The following PRSS3 variants were observed in gnomAD, a reference collection of about 807,000 sequenced individuals.
PRSS3 encodes serine protease 3, also known as trypsin-3.
A neutral mutation model predicts 20.8 loss-of-function variants in PRSS3; 14 were observed. That is an observed-to-expected ratio of 0.67 (90% CI 0.44 to 1.05). PRSS3 has a LOEUF of 1.05. PRSS3 is among the 50% of genes least tolerant of loss of function. The probability of loss-of-function intolerance (pLI) is 0.00; values close to 1 mark genes in which losing one functional copy is unlikely to be tolerated. For synonymous variants in PRSS3, 91 were observed against 117.6 expected (o/e 0.77, Z 1.46); for missense variants, 237 against 306.4 (o/e 0.77, Z 1.69).
chr9:33,778,696 C>T (rs1430411334), intron 1 of PRSS3, among the ~76,000 whole-genome samples: 2 of 152,140 alleles, frequency 1.3e-5, no homozygotes, highest in African/African-American at 4.8e-5. Flanking sequence ...AAGTATAAAT[C>T]ATGTCCATGG....
At chr9:33,786,817 C>T (rs1375455478) in intron 1 of PRSS3, 2 of 754,168 alleles carry the variant, frequency 2.7e-6, no homozygotes, top group Admixed American at 3.4e-5. Flanking sequence ...TATACCTCTG[C>T]AGCGTTGAAG....
intron 1 of PRSS3, among the ~76,000 whole-genome samples, chr9:33,771,701 C>T (rs1438944101): frequency 1.2e-4 from 16 of 136,520 alleles, no homozygotes; most frequent in Non-Finnish European, 1.5e-5. Context: ...AGTGCAGTGA[C>T]ATAATCATGG....
chr9:33,783,822 G>C (rs577630613), intron 1 of PRSS3, among the ~76,000 whole-genome samples: 2 of 150,928 alleles, frequency 1.3e-5, no homozygotes, highest in African/African-American at 2.4e-5. Context: ...TCCAGGAGGC[G>C]GAGCTTGCAG....
At position 33,797,856 on chromosome 9, in the gene PRSS3, C is replaced by A; in HGVS notation, c.228C>A (p.His76Gln). Residue 76 changes from histidine (H) to glutamine (Q), a missense_variant, in exon 3 of 5, where the codon CAC becomes CAA. Coordinates refer to ENST00000379405, the MANE Select transcript of PRSS3 (RefSeq NM_002771.4). Reference protein sequence around the residue: ...KTRIQVRLGEHNIKVLEGNEQ... With the variant: ...KTRIQVRLGEQNIKVLEGNEQ... Reference sequence around the variant, plus strand: ...GCATCCAGGTGAGACTGGGAGAGCACAACATCAAAGTCCTGGAGGGGAATG... The same window carrying A: ...GCATCCAGGTGAGACTGGGAGAGCAAAACATCAAAGTCCTGGAGGGGAATG... 1 of 1,614,192 alleles carries A rather than the reference C, an allele frequency of 6.2e-7. No individual in the cohort carries two copies. Among genetic ancestry groups the A allele is most frequent in the Non-Finnish European group, 8.5e-7 (1 of 1,180,010 alleles).
chr9:33,797,749 A>T (rs1825063827), intron 2 of PRSS3, 80 bp from the exon 3 acceptor site: 2 of 1,613,114 alleles, frequency 1.2e-6, no homozygotes, highest in African/African-American at 2.7e-5. Flanking sequence ...ATGAGCAGTG[A>T]GCTTGAGGAC....
Position 33,798,505 on chromosome 9 carries a change from G to A in PRSS3, c.474G>A (p.Leu158=). 2 of 1,612,446 alleles carry A rather than the reference G, an allele frequency of 1.2e-6. No homozygotes were observed. The highest frequency in any genetic ancestry group is 1.7e-6 in the Non-Finnish European group (2 of 1,179,222). ...LSFGADYPDE[L]KCLDAPVLTQ... is the part of the protein sequence containing the mutation. ...TCACAGCTGACTACCCAGACGAGCT[G>A]AAGTGCCTGGATGCTCCGGTGCTGA... is the stretch of plus-strand genomic sequence containing the variant. The change falls in exon 4 of 5, where the codon CTG becomes CTA. Residue 158 remains leucine, a synonymous_variant. Transcript: ENST00000379405.
upstream of PRSS3, chr9:33,794,958 G>A (rs1392602445): frequency 2.6e-6 from 4 of 1,512,432 alleles, no homozygotes; most frequent in Non-Finnish European, 3.6e-6. Flanking sequence ...GAGCCATCTG[G>A]AAGCCCAGAA....
At chr9:33,757,696 T>C (rs1408693426) in intron 1 of PRSS3, among the ~76,000 whole-genome samples, 1 of 152,156 alleles carries the variant, frequency 6.6e-6, no homozygotes, top group African/African-American at 2.4e-5. Flanking sequence ...CCTCTGCAAC[T>C]CCATCACCCA....
In PRSS3 at chr9:33,796,799, A is replaced by G. The variant is rs1203678992; in HGVS notation, c.197A>G (p.Lys66Arg). 1.9e-6 allele frequency: 3 copies of G among 1,613,874 alleles called. No homozygotes were observed. The highest frequency in any genetic ancestry group is 1.3e-5 in the African/African-American group (1 of 74,930). ...QWVVSAAHCYKTRIQVRLGEH... is the reference protein window; with the variant it reads ...QWVVSAAHCYRTRIQVRLGEH... ...GTGGTATCAGCAGCTCACTGCTACAAGACGTAAGTGTGGGGCCCCTGACTG... is the reference window on the plus strand; with the variant it reads ...GTGGTATCAGCAGCTCACTGCTACAGGACGTAAGTGTGGGGCCCCTGACTG... The change falls in exon 2 of 5, where the codon AAG becomes AGG. Residue 66 changes from lysine (K) to arginine (R), a missense_variant. Coordinates refer to ENST00000379405, the MANE Select transcript of PRSS3 (RefSeq NM_002771.4).
upstream of PRSS3, chr9:33,794,804 G>A: frequency 1.9e-6 from 3 of 1,550,900 alleles, no homozygotes; most frequent in Non-Finnish European, 1.7e-6. Context: ...GCACATGAGA[G>A]AGACAAGTGG....
intron 1 of PRSS3, among the ~76,000 whole-genome samples, chr9:33,773,452 GA>G (rs36067170): frequency 1.7e-3 from 255 of 152,278 alleles, no homozygotes; most frequent in Non-Finnish European, 3.1e-3. Flanking sequence ...CTAGCTGACT[GA>G]AAAAGCTATG....
In PRSS3 at chr9:33,750,832, G is replaced by T. The variant is rs1156339733; in HGVS notation, c.-53+105G>T. On this transcript the variant is annotated intron_variant, in intron 1 of 5. Transcript: ENST00000342836. This position sits in a 1 kb window ranked among gnomAD's most constrained non-coding sequence, Gnocchi z 4.8. ...TGTGATGGAGAGGGGGTTCCGACTC[G>T]CATGGGACCTGCGGGGGAGGGTACG... is the stretch of plus-strand genomic sequence containing the variant. The T allele has an allele frequency of 3.6e-6, 5 of 1,391,382 alleles. No homozygotes were observed. Among genetic ancestry groups the T allele is most frequent in the Non-Finnish European group, 4.6e-6 (5 of 1,079,320 alleles). 86.2% of individuals were successfully genotyped at this position (1,391,382 alleles called of 1,614,324 possible).
At chr9:33,765,208 A>T (rs1008727316) in intron 1 of PRSS3, among the ~76,000 whole-genome samples, 2 of 152,212 alleles carry the variant, frequency 1.3e-5, no homozygotes, top group Non-Finnish European at 2.9e-5. Context: ...AAAACCGTGG[A>T]TAGTTAGTGC....
chr9:33,759,815 G>C (rs1390664765), intron 1 of PRSS3, among the ~76,000 whole-genome samples: 1 of 152,186 alleles, frequency 6.6e-6, no homozygotes, highest in Non-Finnish European at 1.5e-5. Flanking sequence ...TTCTTGCAAG[G>C]GGAAGAGGAA....
intron 1 of PRSS3, among the ~76,000 whole-genome samples, chr9:33,770,728 C>T (rs1177454140): frequency 6.6e-6 from 1 of 152,092 alleles, no homozygotes; most frequent in Non-Finnish European, 1.5e-5. Context: ...AAGATGGCCA[C>T]CTCCAAGCCA....
intron 4 of PRSS3, 171 bp from the exon 5 acceptor site, chr9:33,798,857 C>G: frequency 1.9e-6 from 2 of 1,057,692 alleles, no homozygotes; most frequent in Non-Finnish European, 2.8e-6. Flanking sequence ...ATGAGGGAGG[C>G]TCCCTTGTGC....
chr9:33,763,549 A>C lies in PRSS3; in HGVS notation c.-53+12822A>C, dbSNP rs571024016. Among the ~76,000 whole-genome samples the C allele has an allele frequency of 2.6e-5, 4 of 151,946 alleles. No homozygotes were observed. The East Asian group carries it at 5.8e-4, about 22-fold the overall frequency. ...CCCGTCTCTACTGAAAATATAAAAAATTAGCCGGGCGTGGTGGCGGGCACC... is the reference window on the plus strand; with the variant it reads ...CCCGTCTCTACTGAAAATATAAAAACTTAGCCGGGCGTGGTGGCGGGCACC... On this transcript the variant is annotated intron_variant, in intron 1 of 5. Transcript: ENST00000342836.
upstream of PRSS3, among the ~76,000 whole-genome samples, chr9:33,790,735 T>A (rs74813692): frequency 6.6e-6 from 1 of 152,344 alleles, no homozygotes; most frequent in East Asian, 1.9e-4. Flanking sequence ...TACTCACAAA[T>A]GCACTGAAAC....
chr9:33,775,464 G>C (rs919293048), intron 1 of PRSS3, among the ~76,000 whole-genome samples: 3 of 151,634 alleles, frequency 2.0e-5, no homozygotes, highest in Non-Finnish European at 4.4e-5. Flanking sequence ...CCCCACTTGG[G>C]GCAAGCAGCA....
Sources: allele counts gnomAD v4.1 joint callset (sites outside exome capture counted in the v4.1 genomes callset), GRCh38; gene constraint gnomAD v4.1.1; non-coding constraint Gnocchi (gnomAD v3.1); transcripts MANE v1.5; gene names NCBI Gene and HGNC (gene_info 2026-07-23, HGNC 2026-07-21).